Variants in MYO1H observed in about 807,000 individuals in gnomAD.
MYO1H encodes unconventional myosin-Ih.
Under a neutral mutation model 149.3 loss-of-function variants are expected in MYO1H, and 118 were observed. The observed-to-expected ratio is 0.79, with a 90% CI of 0.68 to 0.92. The LOEUF is 0.92. MYO1H is among the 40% of genes least tolerant of loss of function. MYO1H has a pLI of 0.00. For synonymous variants in MYO1H, 447 were observed against 465.2 expected (o/e 0.96, Z 0.50); for missense variants, 1,212 against 1,280.7 (o/e 0.95, Z 0.82).
chr12:109,392,193 A>G (rs1177690973), intron 2 of MYO1H, among the ~76,000 whole-genome samples: 4 of 152,164 alleles, frequency 2.6e-5, no homozygotes, highest in Non-Finnish European at 5.9e-5. Flanking sequence ...TGCATTTAGA[A>G]TAAAACCCCA....
At chr12:109,366,499 A>T (rs1030713713) in intron 1 of MYO1H, among the ~76,000 whole-genome samples, 1 of 152,186 alleles carries the variant, frequency 6.6e-6, no homozygotes. Context: ...TTGAGACCAT[A>T]TAGCTGTGGG....
At chr12:109,447,271 C>A in exon 32 of MYO1H, 1 of 1,179,668 alleles carries the variant, frequency 8.5e-7, no homozygotes, top group Non-Finnish European at 1.2e-6. Flanking sequence ...CAGTTAGCTA[C>A]CTCTTCAAGG....
chr12:109,435,748 C>T (rs1871831785), intron 21 of MYO1H, among the ~76,000 whole-genome samples: 4 of 152,204 alleles, frequency 2.6e-5, no homozygotes, highest in South Asian at 2.1e-4. Flanking sequence ...AACTGAGGCA[C>T]GGAGGTGTTG....
chr12:109,386,087 G>T (rs1869300275), intron 1 of MYO1H, among the ~76,000 whole-genome samples: 1 of 152,178 alleles, frequency 6.6e-6, no homozygotes, highest in East Asian at 1.9e-4. Flanking sequence ...GCTTGTCCCA[G>T]TGTGCCATAT....
At chr12:109,380,596 C>T (rs1292714669) in intron 1 of MYO1H, among the ~76,000 whole-genome samples, 2 of 152,122 alleles carry the variant, frequency 1.3e-5, no homozygotes, top group Non-Finnish European at 2.9e-5. Flanking sequence ...GCCAATGAAA[C>T]ATTGCTCATG....
chr12:109,344,316 A>G (rs2048095665), upstream of MYO1H, among the ~76,000 whole-genome samples: 1 of 152,234 alleles, frequency 6.6e-6, no homozygotes, highest in Non-Finnish European at 1.5e-5. Flanking sequence ...TACAAGATCA[A>G]TACACAAAAG....
At position 109,388,831 on chromosome 12, in the gene MYO1H, A is replaced by G. The variant is rs1869508688; in HGVS notation, c.161A>G (p.Glu54Gly). The change falls in exon 2 of 32, where the codon GAG becomes GGG. Residue 54 changes from glutamate (E) to glycine (G), a missense_variant. Coordinates refer to ENST00000310903, the Ensembl canonical transcript of MYO1H. ...GACAACCTCCGCAAGCGTTTCAGCG[A>G]GAACCTCATATACGTAACGTGACCC... The G allele has an allele frequency of 1.2e-6, 2 of 1,611,812 alleles. No individual in the cohort carries two copies. The highest frequency in any genetic ancestry group is 1.7e-6 in the Non-Finnish European group (2 of 1,178,646).
intron 1 of MYO1H, among the ~76,000 whole-genome samples, chr12:109,381,823 C>CT (rs1229428375): frequency 1.3e-5 from 2 of 150,148 alleles, no homozygotes; most frequent in South Asian, 2.1e-4. Flanking sequence ...AAGACTCTGT[C>CT]TTAAAAAAAA....
chr12:109,311,336 A>G, the MYO1H span, among the ~76,000 whole-genome samples: 1 of 152,312 alleles, frequency 6.6e-6, no homozygotes, highest in East Asian at 1.9e-4. Context: ...TAATTAAAAA[A>G]TTGAGATTTT....
At chr12:109,414,490 A>AAG (rs1555253127) in intron 14 of MYO1H, among the ~76,000 whole-genome samples, 1,551 of 150,508 alleles carry the variant, frequency 0.01, 34 homozygotes, top group African/African-American at 0.037. Context: ...AAAAAAAAAA[A>AAG]AAAGAAAGAA....
chr12:109,334,500 T>C, the MYO1H span, among the ~76,000 whole-genome samples: 1 of 152,156 alleles, frequency 6.6e-6, no homozygotes, highest in South Asian at 2.1e-4. Context: ...ATTATCCACA[T>C]TGTTGTAGAT....
chr12:109,438,549 A>G (rs563721647), exon 23 of MYO1H: 2 of 1,613,270 alleles, frequency 1.2e-6, no homozygotes, highest in East Asian at 2.2e-5. Flanking sequence ...TCAAACTGGA[A>G]GCCCACTGGC....
At chr12:109,366,054 A>C (rs568968710) in intron 1 of MYO1H, among the ~76,000 whole-genome samples, 1 of 152,308 alleles carries the variant, frequency 6.6e-6, no homozygotes, top group Admixed American at 6.5e-5. Flanking sequence ...GTGGAGCAGG[A>C]GTTTCATCCT....
chr12:109,409,724 T>C, intron 11 of MYO1H, 100 bp downstream of exon 11: 1 of 1,048,658 alleles, frequency 9.5e-7, no homozygotes, highest in Middle Eastern at 2.7e-4. Flanking sequence ...GATTTCCCTG[T>C]CCCCAGAAAG....
rs373453485 is a variant in MYO1H, at chr12:109,401,127, T to A, written c.605T>A (p.Leu202Ter). The A allele has an allele frequency of 6.2e-7, 1 of 1,613,942 alleles. No homozygotes were observed. Among genetic ancestry groups the A allele is most frequent in the Non-Finnish European group, 8.5e-7 (1 of 1,179,874 alleles). Residue 202 changes from leucine (L) to a stop codon, truncating the protein, a stop_gained, in exon 6 of 32, where the codon TTG becomes TAG. Transcript: ENST00000310903. LOFTEE classifies it high-confidence loss of function. ...GTAGGTGGGCATATCATCAGTTACTTGATAGAGAAGTCCCGAGTTGTCTAC... is the reference window on the plus strand; with the variant it reads ...GTAGGTGGGCATATCATCAGTTACTAGATAGAGAAGTCCCGAGTTGTCTAC...
chr12:109,443,365 C>T (rs1452695774), intron 27 of MYO1H, 149 bp from the exon 28 acceptor site: 19 of 589,512 alleles, frequency 3.2e-5, no homozygotes, highest in East Asian at 6.3e-5. Context: ...TACACACACA[C>T]ACACACACAC....
At chr12:109,447,169 G>C (rs773984896) in exon 32 of MYO1H, 10 of 1,599,284 alleles carry the variant, frequency 6.3e-6, no homozygotes, top group Non-Finnish European at 8.5e-6. Flanking sequence ...GTGTCAGTCC[G>C]GAGGAAGTCC....
At chr12:109,424,464 T>C (rs1871285010) in intron 16 of MYO1H, among the ~76,000 whole-genome samples, 2 of 152,338 alleles carry the variant, frequency 1.3e-5, no homozygotes, top group Admixed American at 1.3e-4. Flanking sequence ...CCTGGGATCA[T>C]TTCTTAAACA....
intron 1 of MYO1H, among the ~76,000 whole-genome samples, chr12:109,379,460 A>C (rs1054634093): frequency 2.6e-5 from 4 of 152,128 alleles, no homozygotes; most frequent in Middle Eastern, 3.2e-3. Flanking sequence ...GGTTTCTGTC[A>C]GTTTCTATCA....
Sources: gnomAD v4.1 joint callset for allele counts (sites outside exome capture counted in the v4.1 genomes callset) on GRCh38, gnomAD v4.1.1 for gene constraint, MANE v1.5 for transcripts, NCBI Gene and HGNC (gene_info 2026-07-23, HGNC 2026-07-21) for gene names.